BTC: variants seen among roughly 807,000 people sequenced by gnomAD.
BTC encodes the protein probetacellulin.
In BTC, 13 loss-of-function variants were observed where a neutral mutation model predicts 18.1. That is an observed-to-expected ratio of 0.72 (90% CI 0.47 to 1.14). The LOEUF is 1.14. BTC is among the 50% of genes most tolerant of loss of function. The pLI is 0.00. For missense variants in BTC, 247 were observed against 224.2 expected (o/e 1.10, Z -0.65); for synonymous variants, 83 against 79.4 (o/e 1.05, Z -0.24).
At chr4:74,754,338 G>T (rs1724541222) in intron 3 of BTC, among the ~76,000 whole-genome samples, 1 of 152,162 alleles carries the variant, frequency 6.6e-6, no homozygotes, top group African/African-American at 2.4e-5. Flanking sequence ...AAATGAATAA[G>T]CCATGAGCCC....
intron 1 of BTC, among the ~76,000 whole-genome samples, chr4:74,788,053 T>C (rs1263941083): frequency 1.3e-5 from 2 of 152,214 alleles, no homozygotes; most frequent in African/African-American, 4.8e-5. Flanking sequence ...GGAAACCATG[T>C]AATATTTTAA....
intron 2 of BTC, among the ~76,000 whole-genome samples, chr4:74,761,787 A>G (rs782685324): frequency 6.6e-6 from 1 of 152,206 alleles, no homozygotes; most frequent in Non-Finnish European, 1.5e-5. Flanking sequence ...AATAGCTTCT[A>G]TGACGACACC....
At chr4:74,764,207 A>T (rs1724838381) in intron 2 of BTC, among the ~76,000 whole-genome samples, 1 of 152,198 alleles carries the variant, frequency 6.6e-6, no homozygotes, top group South Asian at 2.1e-4. Flanking sequence ...TATGCAAATA[A>T]TGCAAAAATG....
chr4:74,750,670 A>G lies in BTC; in HGVS notation c.331T>C (p.Tyr111His). The G allele has an allele frequency of 1.2e-6, 2 of 1,614,016 alleles. No homozygotes were observed. The highest frequency in any genetic ancestry group is 8.5e-7 in the Non-Finnish European group (1 of 1,179,958). Residue 111 changes from tyrosine (Y) to histidine (H), a missense_variant, in exon 4 of 6, where the codon TAC becomes CAC. By Grantham distance (83) the Tyr-to-His change is moderately conservative (BLOSUM62 2). Coordinates refer to ENST00000395743, the MANE Select transcript of BTC (RefSeq NM_001729.4). ...ATCTGTCCTCTGTCTCCTCTTAGGT[A>G]AAACAAGTCAACTCTCTCACACCTT... ...GARCERVDLF[Y>H]LRGDRGQILV...
intron 4 of BTC, among the ~76,000 whole-genome samples, chr4:74,749,690 TGTTGTTGTTG>T (rs1560708295): frequency 2.1e-5 from 2 of 93,094 alleles, no homozygotes; most frequent in African/African-American, 3.7e-5. Context: ...TTTTTTTTGT[TGTTGTTGTTG>T]TTGTTGTTGT....
intron 1 of BTC, 72 bp downstream of exon 1, chr4:74,794,190 A>G (rs1725709186): frequency 6.5e-7 from 1 of 1,534,220 alleles, no homozygotes; most frequent in Admixed American, 2.0e-5. Context: ...AGCTCGGTTC[A>G]GGGTTCGCCC....
At chr4:74,783,660 A>G (rs1725398972) in intron 1 of BTC, among the ~76,000 whole-genome samples, 1 of 147,172 alleles carries the variant, frequency 6.8e-6, no homozygotes, top group Admixed American at 6.8e-5. Context: ...AAGAATGTCA[A>G]TGGTAGTTTA....
Position 74,794,517 on chromosome 4 carries a change from C to G in BTC, c.-192G>C. ...CCCAGGGCGGGAGGCCGGCCGGCTC[C>G]GTGAATGTCGCCGGGAGGAGGGAGC... On this transcript the variant is annotated 5_prime_UTR_variant, in exon 1 of 6. Transcript: ENST00000395743. The G allele has an allele frequency of 1.6e-6, 1 of 616,466 alleles. No individual in the cohort carries two copies. The highest frequency in any genetic ancestry group is 3.0e-5 in the East Asian group (1 of 32,848). The allele number at this position is 616,466 out of a possible 1,614,324, so 38.2% of individuals were successfully genotyped here.
At chr4:74,778,754 T>C (rs978115026) in intron 1 of BTC, among the ~76,000 whole-genome samples, 12 of 152,130 alleles carry the variant, frequency 7.9e-5, no homozygotes, top group Non-Finnish European at 1.2e-4. Context: ...ACTCATGCCC[T>C]GGGACATGGT....
intron 1 of BTC, among the ~76,000 whole-genome samples, chr4:74,773,388 C>A (rs1212582675): frequency 6.6e-6 from 1 of 152,092 alleles, no homozygotes; most frequent in African/African-American, 2.4e-5. Context: ...AGTTTGTGAT[C>A]TGTAAAAAGA....
intron 1 of BTC, among the ~76,000 whole-genome samples, chr4:74,777,253 C>T (rs954559497): frequency 6.6e-6 from 1 of 152,140 alleles, no homozygotes; most frequent in Non-Finnish European, 1.5e-5. Context: ...CTTACATAGC[C>T]ATGGTAAAAA....
intron 2 of BTC, among the ~76,000 whole-genome samples, chr4:74,762,653 GA>G (rs1724791740): frequency 1.3e-5 from 2 of 151,884 alleles, no homozygotes; most frequent in East Asian, 1.9e-4. Flanking sequence ...GTGGAAAGGG[GA>G]AAAATATTGA....
intron 1 of BTC, among the ~76,000 whole-genome samples, chr4:74,771,307 T>C (rs1725032567): frequency 6.6e-6 from 1 of 152,142 alleles, no homozygotes; most frequent in African/African-American, 2.4e-5. Context: ...CAATGTGCAA[T>C]AAAAATTACT....
At chr4:74,790,182 G>T (rs771684315) in intron 1 of BTC, among the ~76,000 whole-genome samples, 3 of 152,214 alleles carry the variant, frequency 2.0e-5, no homozygotes, top group African/African-American at 4.8e-5. Flanking sequence ...GATGACATTC[G>T]GGAAGTATCC....
intron 2 of BTC, among the ~76,000 whole-genome samples, chr4:74,767,260 T>A (rs957838808): frequency 3.3e-5 from 5 of 151,410 alleles, no homozygotes; most frequent in Non-Finnish European, 7.4e-5. Flanking sequence ...AAAATCAACA[T>A]GAAAAACCAG....
At chr4:74,763,984 ATTGTG>A (rs1214874565) in intron 2 of BTC, among the ~76,000 whole-genome samples, 1 of 135,588 alleles carries the variant, frequency 7.4e-6, no homozygotes, top group Non-Finnish European at 1.5e-5. Flanking sequence ...ATGTATAATT[ATTGTG>A]TTAATTAAAA....
intron 1 of BTC, among the ~76,000 whole-genome samples, chr4:74,785,649 A>T (rs1434967767): frequency 6.6e-6 from 1 of 152,168 alleles, no homozygotes; most frequent in African/African-American, 2.4e-5. Context: ...ATTTTGGAAC[A>T]ATTTTATATT....
intron 1 of BTC, among the ~76,000 whole-genome samples, chr4:74,784,129 G>A (rs552589982): frequency 6.6e-6 from 1 of 151,934 alleles, no homozygotes; most frequent in South Asian, 2.1e-4. Flanking sequence ...CTACTCTGGA[G>A]GCTGAGGCAG....
At chr4:74,755,746 A>G (rs1343541320) in intron 3 of BTC, 113 bp downstream of exon 3, 5 of 988,220 alleles carry the variant, frequency 5.1e-6, no homozygotes, top group Non-Finnish European at 7.7e-6. Context: ...AGGACCAGGC[A>G]GAACTGTGTT....
Sources: gnomAD v4.1 joint callset for allele counts (sites outside exome capture counted in the v4.1 genomes callset) on GRCh38, gnomAD v4.1.1 for gene constraint, MANE v1.5 for transcripts, NCBI Gene and HGNC (gene_info 2026-07-23, HGNC 2026-07-21) for gene names.